Variants in DMXL2 observed in about 807,000 individuals in gnomAD.
DMXL2 encodes Dmx like 2, also known as dmX-like protein 2.
A neutral mutation model predicts 331.1 loss-of-function variants in DMXL2; 103 were observed. That is an observed-to-expected ratio of 0.31 (90% CI 0.27 to 0.37). The LOEUF (loss-of-function observed/expected upper bound fraction) is 0.37, where lower values mean the gene tolerates loss of function less well. Ranked by LOEUF, DMXL2 falls within the 10% of genes least tolerant of loss-of-function variation. DMXL2 has a pLI of 1.00. For synonymous variants in DMXL2, 1,281 were observed against 1,252.1 expected, an observed-to-expected ratio of 1.02 and a Z score of -0.49; for missense variants, 3,171 against 3,642.9, an observed-to-expected ratio of 0.87 and a Z score of 3.33.
At chr15:51,577,250 C>G (rs1055443628) in intron 1 of DMXL2, among the ~76,000 whole-genome samples, 9 of 152,080 alleles carry the variant, frequency 5.9e-5, no homozygotes, top group South Asian at 2.1e-4. Flanking sequence ...TATCCAATAG[C>G]CAGGGCTGAC....
intron 19 of DMXL2, among the ~76,000 whole-genome samples, chr15:51,493,245 T>A (rs2042931697): frequency 6.6e-6 from 1 of 152,176 alleles, no homozygotes; most frequent in Admixed American, 6.5e-5. Flanking sequence ...GCAACTAATA[T>A]ACGGCAACAC....
At chr15:51,489,305 CTATAATACTAAGG>C (rs2042621188) in intron 20 of DMXL2, among the ~76,000 whole-genome samples, 1 of 151,970 alleles carries the variant, frequency 6.6e-6, no homozygotes. Context: ...AAGCAGGAAG[CTATAATACTAAGG>C]TATGGGAGAA....
At position 51,507,135 on chromosome 15, in the gene DMXL2, T is replaced by A. The variant is rs771246441; in HGVS notation, c.2763A>T (p.Leu921Phe). The A allele has an allele frequency of 3.8e-6, 6 of 1,588,604 alleles. No homozygotes were observed. In the South Asian group the frequency reaches 6.9e-5, roughly 18 times the overall value. ...HLHLKSVQACLAKASEGASSE... is the reference protein window; with the variant it reads ...HLHLKSVQACFAKASEGASSE... Reference sequence around the variant, plus strand: ...CTGTATAAAACTATAATTACTTACCTAAACATGCTTGTACAGATTTAAGAT... The same window carrying A: ...CTGTATAAAACTATAATTACTTACCAAAACATGCTTGTACAGATTTAAGAT... The change falls in exon 16 of 44, where the codon TTA becomes TTT. Residue 921 changes from leucine (L) to phenylalanine (F), a missense_variant and splice_region_variant. This residue lies in a region of DMXL2 where 1,674 missense variants were observed against 1,780.2 expected (regional missense o/e 0.94). Transcript: ENST00000560891.
chr15:51,606,205 T>C (rs1246845958), intron 1 of DMXL2, among the ~76,000 whole-genome samples: 1 of 152,290 alleles, frequency 6.6e-6, no homozygotes, highest in African/African-American at 2.4e-5. Flanking sequence ...TGTATGTGTG[T>C]GTGTGGGGGT....
In DMXL2 at chr15:51,536,493, G is replaced by A. The variant is rs2048295443; in HGVS notation, c.1987C>T (p.Pro663Ser). Residue 663 changes from proline to serine, a missense_variant, in exon 12 of 44, where the codon CCA becomes TCA. Physicochemically the swap from Pro to Ser is moderately conservative, Grantham distance 74. Coordinates refer to ENST00000560891, the MANE Select transcript of DMXL2 (RefSeq NM_001378457.1). Reference protein sequence around the residue: ...LNDLACHSVLPLLLTSSHHNA... With the variant: ...LNDLACHSVLSLLLTSSHHNA... ...TGATGAGAGGATGTCAATAACAGTG[G>A]TAAAACTGAATGACATGCCAGGTCA... 6.2e-7 allele frequency: 1 copy of A among 1,613,980 alleles called. No homozygotes were observed. Among genetic ancestry groups the A allele is most frequent in the Non-Finnish European group, 8.5e-7 (1 of 1,179,942 alleles).
chr15:51,542,095 T>C (rs2048629307), intron 9 of DMXL2, among the ~76,000 whole-genome samples: 2 of 152,166 alleles, frequency 1.3e-5, no homozygotes, highest in African/African-American at 4.8e-5. Context: ...GGAATGCTTG[T>C]TATAGTCTAG....
At chr15:51,595,754 G>T (rs912974435) in intron 1 of DMXL2, among the ~76,000 whole-genome samples, 1 of 152,150 alleles carries the variant, frequency 6.6e-6, no homozygotes, top group Non-Finnish European at 1.5e-5. Context: ...AGAGCCCTCA[G>T]AAATAATGCC....
At position 51,498,785 on chromosome 15, in the gene DMXL2, T is replaced by C. The variant is rs1251614835; in HGVS notation, c.4439A>G (p.Asp1480Gly). 4.3e-6 allele frequency: 7 copies of C among 1,614,066 alleles called. No individual in the cohort carries two copies. The highest frequency in any genetic ancestry group is 2.2e-5 in the East Asian group (1 of 44,884). Residue 1480 changes from aspartate to glycine, a missense_variant, in exon 18 of 44, where the codon GAT becomes GGT. Transcript: ENST00000560891. The part of the protein sequence containing the change: ...ELFQIQDIPT[D>G]DIDLEPEKRE... ...CTTTTCAGGCTCTAAATCAATATCA[T>C]CCGTTGGTATATCCTGGATTTGAAA... is the stretch of plus-strand genomic sequence containing the variant.
chr15:51,575,966 T>G, intron 2 of DMXL2, 90 bp downstream of exon 2: 1 of 1,319,504 alleles, frequency 7.6e-7, no homozygotes, highest in Non-Finnish European at 1.1e-6. Flanking sequence ...TAAGAAATTA[T>G]ACGCAAGCTT....
At chr15:51,534,934 A>G (rs2048202281) in intron 13 of DMXL2, among the ~76,000 whole-genome samples, 1 of 152,096 alleles carries the variant, frequency 6.6e-6, no homozygotes, top group Non-Finnish European at 1.5e-5. Flanking sequence ...TTAATTACAT[A>G]CCACCCTTAG....
At chr15:51,573,699 G>A (rs555427983) in intron 2 of DMXL2, among the ~76,000 whole-genome samples, 51 of 152,068 alleles carry the variant, frequency 3.4e-4, no homozygotes, top group African/African-American at 1.1e-3. Flanking sequence ...TCAGGGGGTC[G>A]GGGGGCTAGG....
At chr15:51,494,814 A>C (rs945003677) in intron 19 of DMXL2, among the ~76,000 whole-genome samples, 1 of 152,196 alleles carries the variant, frequency 6.6e-6, no homozygotes, top group Non-Finnish European at 1.5e-5. Flanking sequence ...TAAATTCTAA[A>C]AAACTTAGTT....
In DMXL2 at chr15:51,487,944, T is replaced by C. The variant is rs770371285; in HGVS notation, c.5217+10A>G. ...TACAAGTATTATATAGTGTGTTTTC[T>C]TATTTATACCTCTATGGCATCTTTC... On this transcript the variant is annotated intron_variant, in intron 22 of 43. Coordinates refer to ENST00000560891, the MANE Select transcript of DMXL2 (RefSeq NM_001378457.1). The C allele has an allele frequency of 5.0e-6, 8 of 1,585,476 alleles. No homozygotes were observed. Among genetic ancestry groups the C allele is most frequent in the African/African-American group, 1.4e-5 (1 of 72,994 alleles).
intron 29 of DMXL2, among the ~76,000 whole-genome samples, chr15:51,470,291 G>A (rs1349591883): frequency 6.6e-6 from 1 of 152,042 alleles, no homozygotes; most frequent in Non-Finnish European, 1.5e-5. Flanking sequence ...AAACAGCACT[G>A]CACCTACGTT....
At chr15:51,588,782 G>C (rs981458940) in intron 1 of DMXL2, among the ~76,000 whole-genome samples, 2 of 152,150 alleles carry the variant, frequency 1.3e-5, no homozygotes, top group Non-Finnish European at 2.9e-5. Context: ...GCATATTCCT[G>C]AGAATCTAGA....
chr15:51,507,449 A>G (rs1036359857), intron 15 of DMXL2, among the ~76,000 whole-genome samples, 196 bp from the exon 16 acceptor site: 3 of 152,224 alleles, frequency 2.0e-5, no homozygotes, highest in African/African-American at 7.2e-5. Flanking sequence ...AATTACGTCA[A>G]AAGTACACAA....
intron 13 of DMXL2, among the ~76,000 whole-genome samples, chr15:51,535,443 A>G (rs1485848195): frequency 6.6e-6 from 1 of 152,202 alleles, no homozygotes; most frequent in Non-Finnish European, 1.5e-5. Context: ...ATTTCTTTTC[A>G]TGTAAAATGT....
chr15:51,525,530 T>C (rs980945603), intron 13 of DMXL2, among the ~76,000 whole-genome samples: 9 of 152,026 alleles, frequency 5.9e-5, no homozygotes, highest in African/African-American at 2.2e-4. Context: ...CTTACAGCAT[T>C]TCTGGATCTT....
chr15:51,592,821 A>G (rs1186452386), intron 1 of DMXL2, among the ~76,000 whole-genome samples: 1 of 150,252 alleles, frequency 6.7e-6, no homozygotes. Flanking sequence ...ACTAAGCTTC[A>G]TAAGTGAAGG....
Sources: allele counts gnomAD v4.1 joint callset (sites outside exome capture counted in the v4.1 genomes callset), GRCh38; gene constraint gnomAD v4.1.1; regional missense constraint gnomAD v4.1.1; transcripts MANE v1.5; gene names NCBI Gene and HGNC (gene_info 2026-07-23, HGNC 2026-07-21).